The following CTNNA3 variants were observed in gnomAD, a reference collection of about 807,000 sequenced individuals.
The protein encoded by CTNNA3 is catenin alpha-3.
CTNNA3 carries 76 observed loss-of-function variants against 95.7 expected under a neutral mutation model. The observed-to-expected ratio is 0.79, with a 90% CI of 0.66 to 0.96. CTNNA3 has a LOEUF of 0.96. CTNNA3 is among the 40% of genes least tolerant of loss of function. CTNNA3 has a pLI of 0.00. For missense variants in CTNNA3, 1,191 were observed against 1,089.8 expected (o/e 1.09, Z -1.31); for synonymous variants, 431 against 374.4 (o/e 1.15, Z -1.74).
intron 1 of CTNNA3, 56 bp from the exon 2 acceptor site, chr10:67,647,574 G>T: frequency 2.2e-6 from 3 of 1,375,180 alleles, no homozygotes; most frequent in African/African-American, 1.4e-5. Flanking sequence ...TTCTAAAGAA[G>T]AACACTTATG....
chr10:66,677,731 A>G (rs1846911720), intron 9 of CTNNA3, among the ~76,000 whole-genome samples: 1 of 152,130 alleles, frequency 6.6e-6, no homozygotes, highest in African/African-American at 2.4e-5. Flanking sequence ...CTCCCCAGCC[A>G]TGTGGAACCT....
At chr10:66,535,084 T>G (rs928673742) in intron 10 of CTNNA3, among the ~76,000 whole-genome samples, 3 of 152,134 alleles carry the variant, frequency 2.0e-5, no homozygotes, top group African/African-American at 7.2e-5. Context: ...GCACTACTTA[T>G]TGTAATAATT....
intron 12 of CTNNA3, among the ~76,000 whole-genome samples, chr10:66,303,993 A>G (rs2132236442): frequency 6.6e-6 from 1 of 152,318 alleles, no homozygotes; most frequent in East Asian, 1.9e-4. Context: ...CATCATAAAG[A>G]GAATGAAAAG....
chr10:67,683,941 GGTGA>G lies in CTNNA3; in HGVS notation c.-6+12055_-6+12058del, dbSNP rs553639119. Reference sequence around the variant, plus strand: ...CAGGAATGAAGCCGCAGACCCTCGTGGTGAGTATTACAGCTCATAAAGGTAATGC... The same window carrying G: ...CAGGAATGAAGCCGCAGACCCTCGTGGTATTACAGCTCATAAAGGTAATGC... On this transcript the variant is annotated intron_variant, in intron 1 of 17. Coordinates refer to ENST00000433211, the MANE Select transcript of CTNNA3 (RefSeq NM_013266.4). Among the ~76,000 whole-genome samples, 302 of 152,300 alleles carry G rather than the reference GGTGA, an allele frequency of 2.0e-3. 1 individual carries two copies. The highest frequency in any genetic ancestry group is 6.6e-3 in the African/African-American group (276 of 41,554).
rs191628693 is a variant in CTNNA3 at position 66,901,902 on chromosome 10, G to T, written c.1048-126378C>A. Among the ~76,000 whole-genome samples the T allele has an allele frequency of 4.6e-5, 7 of 152,296 alleles. No homozygotes were observed. In the East Asian group the frequency reaches 1.4e-3, roughly 29 times the overall value. Reference sequence around the variant, plus strand: ...GCAAGTCTGTAGAGACCTACAAAGAGACTTAGACTCCCACACAATAATAAT... The same window carrying T: ...GCAAGTCTGTAGAGACCTACAAAGATACTTAGACTCCCACACAATAATAAT... On this transcript the variant is annotated intron_variant, in intron 7 of 17. Coordinates refer to ENST00000433211, the MANE Select transcript of CTNNA3 (RefSeq NM_013266.4).
intron 14 of CTNNA3, among the ~76,000 whole-genome samples, chr10:66,088,853 A>G (rs1331356461): frequency 2.6e-5 from 4 of 152,098 alleles, no homozygotes; most frequent in Non-Finnish European, 2.9e-5. Context: ...ATAAATGTAC[A>G]TGTATTCTTT....
intron 5 of CTNNA3, among the ~76,000 whole-genome samples, chr10:67,437,282 A>C (rs1218290136): frequency 6.6e-6 from 1 of 152,148 alleles, no homozygotes; most frequent in Non-Finnish European, 1.5e-5. Flanking sequence ...AAGGACCCAA[A>C]GGCATAAGAA....
intron 11 of CTNNA3, among the ~76,000 whole-genome samples, chr10:66,482,652 G>A (rs1241793594): frequency 6.6e-6 from 1 of 152,028 alleles, no homozygotes; most frequent in Non-Finnish European, 1.5e-5. Flanking sequence ...AAATATATAT[G>A]TGTGTTCTTG....
At chr10:66,240,846 T>G (rs917962801) in intron 13 of CTNNA3, among the ~76,000 whole-genome samples, 5 of 152,038 alleles carry the variant, frequency 3.3e-5, no homozygotes, top group African/African-American at 1.2e-4. Context: ...CTCAAAAGTT[T>G]TTTAAGTAAT....
intron 6 of CTNNA3, among the ~76,000 whole-genome samples, chr10:67,191,071 G>A (rs1863098282): frequency 6.6e-6 from 1 of 151,960 alleles, no homozygotes; most frequent in South Asian, 2.1e-4. Flanking sequence ...CCAAATTCCA[G>A]GACACTGACA....
intron 11 of CTNNA3, among the ~76,000 whole-genome samples, chr10:66,499,951 C>T (rs1310424489): frequency 1.3e-5 from 2 of 151,936 alleles, no homozygotes; most frequent in East Asian, 3.9e-4. Context: ...TACAGGTGCC[C>T]GCCACCATGC....
chr10:66,651,800 G>GGCCCTTGATCGCGGCACACAGCAGA (rs138035312), intron 9 of CTNNA3, among the ~76,000 whole-genome samples: 1 of 151,348 alleles, frequency 6.6e-6, no homozygotes, highest in Non-Finnish European at 1.5e-5. Context: ...AACCCGCATT[G>GGCCCTTGATCGCGGCACACAGCAGA]GCCGGTTCCC....
chr10:65,928,038 A>G (rs2077194242), intron 17 of CTNNA3, among the ~76,000 whole-genome samples: 2 of 152,098 alleles, frequency 1.3e-5, no homozygotes, highest in South Asian at 4.1e-4. Context: ...TGTTTTATTC[A>G]TCTTCTATGG....
intron 12 of CTNNA3, among the ~76,000 whole-genome samples, chr10:66,378,396 C>T (rs1281131299): frequency 6.6e-6 from 1 of 152,054 alleles, no homozygotes; most frequent in Non-Finnish European, 1.5e-5. Flanking sequence ...AGTAAAAATT[C>T]TAACCTGAGG....
At chr10:66,347,909 A>T (rs2092537014) in intron 12 of CTNNA3, among the ~76,000 whole-genome samples, 1 of 152,136 alleles carries the variant, frequency 6.6e-6, no homozygotes, top group South Asian at 2.1e-4. Context: ...GACATATTTG[A>T]ATAGAAAATA....
chr10:67,097,149 G>T (rs1858047811), intron 7 of CTNNA3, among the ~76,000 whole-genome samples: 1 of 151,640 alleles, frequency 6.6e-6, no homozygotes, highest in African/African-American at 2.4e-5. Flanking sequence ...AGAAGTGGGT[G>T]GTGATTTTTG....
intron 3 of CTNNA3, among the ~76,000 whole-genome samples, chr10:67,584,510 G>A (rs539507762): frequency 8.5e-5 from 13 of 152,296 alleles, no homozygotes; most frequent in African/African-American, 2.2e-4. Context: ...GGCTACTCGC[G>A]GGTCATGGAC....
chr10:67,584,771 A>G (rs920792070), intron 3 of CTNNA3, among the ~76,000 whole-genome samples: 1 of 152,204 alleles, frequency 6.6e-6, no homozygotes, highest in African/African-American at 2.4e-5. Flanking sequence ...GCAATGGCAG[A>G]TGTCCCTCCC....
intron 10 of CTNNA3, among the ~76,000 whole-genome samples, chr10:66,522,865 G>A (rs1388669054): frequency 6.6e-6 from 1 of 151,918 alleles, no homozygotes; most frequent in East Asian, 1.9e-4. Flanking sequence ...TAAAGGTTTT[G>A]AAGACCTCTC....
Sources: gnomAD v4.1 joint callset for allele counts (sites outside exome capture counted in the v4.1 genomes callset) on GRCh38, gnomAD v4.1.1 for gene constraint, MANE v1.5 for transcripts, NCBI Gene and HGNC (gene_info 2026-07-23, HGNC 2026-07-21) for gene names.